Variants in SHISA9 observed in about 807,000 individuals in gnomAD.
SHISA9 encodes the protein protein shisa-9.
A neutral mutation model predicts 38.0 loss-of-function variants in SHISA9; 13 were observed. The observed-to-expected ratio is 0.34, with a 90% confidence interval of 0.22 to 0.54. The LOEUF is 0.54. Ranked by LOEUF, SHISA9 falls within the 20% of genes least tolerant of loss-of-function variation. The pLI, the probability that SHISA9 is intolerant of heterozygous loss-of-function variation, is 0.91. For synonymous variants in SHISA9, 275 were observed against 242.0 expected (o/e 1.14, Z -1.27); for missense variants, 538 against 575.8 (o/e 0.93, Z 0.67).
the SHISA9 span, among the ~76,000 whole-genome samples, chr16:13,530,791 C>A: frequency 6.6e-6 from 1 of 152,162 alleles, no homozygotes; most frequent in Non-Finnish European, 1.5e-5. Flanking sequence ...CCTGTAGCTC[C>A]AAGGGTGACC....
At chr16:12,988,047 G>A (rs2072335895) in intron 2 of SHISA9, among the ~76,000 whole-genome samples, 1 of 152,178 alleles carries the variant, frequency 6.6e-6, no homozygotes, top group South Asian at 2.1e-4. Flanking sequence ...AAAAGAATAT[G>A]CAGGACAAGA....
chr16:12,943,162 G>A (rs1297716119), intron 2 of SHISA9, among the ~76,000 whole-genome samples: 1 of 152,078 alleles, frequency 6.6e-6, no homozygotes, highest in Non-Finnish European at 1.5e-5. Flanking sequence ...GTGACGAGGG[G>A]AGGTGGTGCT....
chr16:13,334,263 G>A, the SHISA9 span, among the ~76,000 whole-genome samples: 1 of 152,202 alleles, frequency 6.6e-6, no homozygotes, highest in Non-Finnish European at 1.5e-5. Context: ...ATACCTCTTA[G>A]TGGTTATTGG....
At chr16:13,002,761 G>A (rs971042048) in intron 2 of SHISA9, among the ~76,000 whole-genome samples, 1 of 151,982 alleles carries the variant, frequency 6.6e-6, no homozygotes, top group Non-Finnish European at 1.5e-5. Context: ...TGGAACTCCC[G>A]ACCTCAGGTG....
At chr16:13,126,451 A>G (rs1596666066) in intron 2 of SHISA9, among the ~76,000 whole-genome samples, 1 of 149,482 alleles carries the variant, frequency 6.7e-6, no homozygotes, top group Non-Finnish European at 1.5e-5. Flanking sequence ...GGAGAGGGAA[A>G]GAGAGATTGA....
At chr16:13,349,642 T>C in the SHISA9 span, among the ~76,000 whole-genome samples, 2 of 152,242 alleles carry the variant, frequency 1.3e-5, no homozygotes, top group Non-Finnish European at 2.9e-5. Flanking sequence ...CATTTTACCA[T>C]TACTGAAAGC....
chr16:13,104,539 A>C (rs998531099), intron 2 of SHISA9, among the ~76,000 whole-genome samples: 1 of 152,238 alleles, frequency 6.6e-6, no homozygotes, highest in Admixed American at 6.5e-5. Flanking sequence ...TGAAATACTG[A>C]TATCTGCTAC....
At chr16:12,942,324 G>T (rs932851111) in intron 2 of SHISA9, among the ~76,000 whole-genome samples, 1 of 152,216 alleles carries the variant, frequency 6.6e-6, no homozygotes, top group African/African-American at 2.4e-5. Context: ...CTGAGAGTCA[G>T]TTGTGGCTAA....
chr16:13,286,980 TTTTG>T, the SHISA9 span, among the ~76,000 whole-genome samples: 1 of 152,160 alleles, frequency 6.6e-6, no homozygotes, highest in African/African-American at 2.4e-5. Flanking sequence ...GATTGTGTAT[TTTTG>T]TTAATTTTTT....
chr16:13,107,266 T>C (rs2141962890), intron 2 of SHISA9, among the ~76,000 whole-genome samples: 1 of 151,976 alleles, frequency 6.6e-6, no homozygotes, highest in Middle Eastern at 3.4e-3. Context: ...ATCCCATCTC[T>C]ACTAAAAAAA....
In SHISA9 at chr16:13,058,751, TTGTGTGTGTG is replaced by T. The variant is rs57415975; in HGVS notation, c.691+141959_691+141968del. Among the ~76,000 whole-genome samples the T allele has an allele frequency of 2.5e-3, 369 of 144,946 alleles. 1 individual carries two copies. Among genetic ancestry groups the T allele is most frequent in the Non-Finnish European group, 4.7e-3 (308 of 65,492 alleles). ...GTCATTGACCAGTGGTGTGGTGTAT[TTGTGTGTGTG>T]TGTGTGTGTGTGTGTGTGTGTGAAT... On this transcript the variant is annotated intron_variant, in intron 2 of 4. Transcript: ENST00000558583.
At position 13,146,215 on chromosome 16, in the gene SHISA9, G is replaced by A. The variant is rs544684864; in HGVS notation, c.692-57179G>A. The stretch of plus-strand genomic sequence containing the variant: ...TCTCAATGAAAATAAAATTGACAGT[G>A]GAAGTGATTATTTGAATTGAGAAGA... On this transcript the variant is annotated intron_variant, in intron 2 of 4. Transcript: ENST00000558583. Among the ~76,000 whole-genome samples the A allele has an allele frequency of 7.9e-4, 120 of 152,306 alleles. 1 individual carries two copies. The highest frequency in any genetic ancestry group is 1.4e-3 in the Non-Finnish European group (93 of 68,022).
At chr16:12,965,682 T>C (rs1501317) in intron 2 of SHISA9, among the ~76,000 whole-genome samples, 29,360 of 152,156 alleles carry the variant, frequency 0.19, 3,489 homozygotes, top group Middle Eastern at 0.35. Context: ...CCCTCCCACA[T>C]CGTGGCAGCC....
the SHISA9 span, among the ~76,000 whole-genome samples, chr16:13,431,744 G>A: frequency 3.3e-5 from 5 of 152,270 alleles, no homozygotes; most frequent in East Asian, 9.6e-4. Flanking sequence ...ATTAAGACCT[G>A]TAAGAAAATA....
chr16:13,121,880 C>G (rs1158394662), intron 2 of SHISA9, among the ~76,000 whole-genome samples: 1 of 135,186 alleles, frequency 7.4e-6, no homozygotes, highest in Non-Finnish European at 1.6e-5. Flanking sequence ...CACACACACA[C>G]ACAGAACAGG....
chr16:13,096,382 A>G (rs1016364485), intron 2 of SHISA9, among the ~76,000 whole-genome samples: 5 of 152,244 alleles, frequency 3.3e-5, no homozygotes, highest in Non-Finnish European at 7.4e-5. Context: ...AAGCTTATAG[A>G]TTAGTGGGGA....
chr16:12,940,187 G>C (rs2071590699), intron 2 of SHISA9, among the ~76,000 whole-genome samples: 1 of 152,188 alleles, frequency 6.6e-6, no homozygotes, highest in Admixed American at 6.5e-5. Context: ...TCCAAGGTCT[G>C]AGGCAGAGGC....
intron 2 of SHISA9, among the ~76,000 whole-genome samples, chr16:13,151,521 C>T (rs989965528): frequency 6.6e-6 from 1 of 152,164 alleles, no homozygotes; most frequent in South Asian, 2.1e-4. Context: ...CTTATTACTT[C>T]ACCTGTGTCT....
the SHISA9 span, among the ~76,000 whole-genome samples, chr16:13,354,873 G>C: frequency 6.6e-6 from 1 of 152,138 alleles, no homozygotes; most frequent in African/African-American, 2.4e-5. Context: ...TGGCGAGATA[G>C]GTAACAGTTG....
Sources: gnomAD v4.1 joint callset for allele counts (sites outside exome capture counted in the v4.1 genomes callset) on GRCh38, gnomAD v4.1.1 for gene constraint, MANE v1.5 for transcripts, NCBI Gene and HGNC (gene_info 2026-07-23, HGNC 2026-07-21) for gene names.